The following FAM174A variants were observed in gnomAD, a reference collection of about 807,000 sequenced individuals.
The protein encoded by FAM174A is family with sequence similarity 174 member A.
In FAM174A, 14 loss-of-function variants were observed where a neutral mutation model predicts 14.3. The observed-to-expected ratio is 0.98, with a 90% CI of 0.65 to 1.53. The LOEUF (loss-of-function observed/expected upper bound fraction) is 1.53. Ranked by LOEUF, FAM174A falls within the 40% of genes most tolerant of loss-of-function variation. The pLI is 0.00. For synonymous variants in FAM174A, 108 were observed against 111.4 expected, an observed-to-expected ratio of 0.97 and a Z score of 0.19; for missense variants, 241 against 249.6, an observed-to-expected ratio of 0.97 and a Z score of 0.23.
At chr5:100,557,264 C>T (rs1046674678) in intron 1 of FAM174A, among the ~76,000 whole-genome samples, 3 of 151,944 alleles carry the variant, frequency 2.0e-5, no homozygotes, top group Non-Finnish European at 4.4e-5. Flanking sequence ...GTTGAACCAG[C>T]CTTGCATCGC....
chr5:100,566,926 T>C (rs537927438), intron 2 of FAM174A, among the ~76,000 whole-genome samples: 2 of 151,866 alleles, frequency 1.3e-5, no homozygotes, highest in East Asian at 1.9e-4. Context: ...GAGACCACGA[T>C]AAAGAGTAAG....
At chr5:100,557,820 TTCTC>T (rs1746426110) in intron 1 of FAM174A, among the ~76,000 whole-genome samples, 1 of 152,198 alleles carries the variant, frequency 6.6e-6, no homozygotes. Flanking sequence ...TGTTTGATTC[TTCTC>T]TCTTTTTTTC....
chr5:100,573,101 T>G (rs1746826697), intron 2 of FAM174A, among the ~76,000 whole-genome samples: 1 of 152,204 alleles, frequency 6.6e-6, no homozygotes, highest in Non-Finnish European at 1.5e-5. Context: ...ATGGGGTTAT[T>G]TGTTTTTTTC....
At chr5:100,546,190 G>T (rs1172366477) in intron 1 of FAM174A, among the ~76,000 whole-genome samples, 1 of 152,180 alleles carries the variant, frequency 6.6e-6, no homozygotes, top group Non-Finnish European at 1.5e-5. Context: ...CAGCAATTTA[G>T]CTGGCTTTAA....
intron 2 of FAM174A, among the ~76,000 whole-genome samples, chr5:100,577,680 G>C (rs1180563058): frequency 6.6e-6 from 1 of 151,988 alleles, no homozygotes; most frequent in East Asian, 1.9e-4. Context: ...AAAGTAAATA[G>C]AATATAAGAT....
Position 100,535,684 on chromosome 5 carries a change from A to G in FAM174A, c.154A>G (p.Thr52Ala). 2 of 1,609,444 alleles carry G rather than the reference A, an allele frequency of 1.2e-6. No homozygotes were observed. Among genetic ancestry groups the G allele is most frequent in the Non-Finnish European group, 1.7e-6 (2 of 1,178,814 alleles). The change falls in exon 1 of 3, where the codon ACA becomes GCA. Residue 52 changes from threonine to alanine, a missense_variant. Transcript: ENST00000312637. ...GLGPPDPRPR[T>A]LPPLPPGPTP... ...TGGGCCTCCTGACCCTAGACCACGG[A>G]CATTACCGCCGCTGCCACCGGGCCC...
At chr5:100,539,672 C>T (rs115343339) in intron 1 of FAM174A, among the ~76,000 whole-genome samples, 81 of 152,236 alleles carry the variant, frequency 5.3e-4, no homozygotes, top group African/African-American at 1.9e-3. Context: ...CTTGCCCAAG[C>T]GTGCACATAC....
At chr5:100,542,293 G>A (rs1746072552) in intron 1 of FAM174A, among the ~76,000 whole-genome samples, 1 of 152,150 alleles carries the variant, frequency 6.6e-6, no homozygotes, top group Admixed American at 6.5e-5. Context: ...GTTTAAGCTT[G>A]AAACAGTATT....
At chr5:100,583,324 A>G (rs1747056719) in intron 2 of FAM174A, among the ~76,000 whole-genome samples, 1 of 152,086 alleles carries the variant, frequency 6.6e-6, no homozygotes, top group South Asian at 2.1e-4. Flanking sequence ...TTGCCTTTTG[A>G]TTTCTCTAAA....
intron 1 of FAM174A, among the ~76,000 whole-genome samples, chr5:100,561,221 G>GT (rs1746515882): frequency 6.6e-6 from 1 of 151,962 alleles, no homozygotes; most frequent in South Asian, 2.1e-4. Flanking sequence ...AATAATGAAT[G>GT]TTAAGCACCC....
chr5:100,558,002 C>T (rs1346719110), intron 1 of FAM174A, among the ~76,000 whole-genome samples: 1 of 152,074 alleles, frequency 6.6e-6, no homozygotes, highest in East Asian at 1.9e-4. Context: ...TTTACTCTTG[C>T]TTCTCTAGTT....
chr5:100,578,202 C>A (rs185456842), intron 2 of FAM174A, among the ~76,000 whole-genome samples: 105 of 152,110 alleles, frequency 6.9e-4, no homozygotes, highest in Non-Finnish European at 1.2e-3. Flanking sequence ...CTAAACCCTC[C>A]AGAACTGAGA....
chr5:100,556,880 A>G (rs1410399902), intron 1 of FAM174A, among the ~76,000 whole-genome samples: 3 of 152,188 alleles, frequency 2.0e-5, no homozygotes, highest in East Asian at 1.9e-4. Context: ...CAATCATGTC[A>G]TCTGCAAACA....
At chr5:100,548,172 A>G (rs928260818) in intron 1 of FAM174A, among the ~76,000 whole-genome samples, 13 of 152,224 alleles carry the variant, frequency 8.5e-5, no homozygotes, top group African/African-American at 3.1e-4. Context: ...AAGGAAAATT[A>G]TATTTTCATG....
At chr5:100,576,161 T>C (rs1250671152) in intron 2 of FAM174A, among the ~76,000 whole-genome samples, 1 of 152,208 alleles carries the variant, frequency 6.6e-6, no homozygotes, top group Admixed American at 6.5e-5. Context: ...CATTAAGATG[T>C]AGAGTAATTA....
chr5:100,580,493 C>T (rs1413405524), intron 2 of FAM174A, among the ~76,000 whole-genome samples: 6 of 152,288 alleles, frequency 3.9e-5, no homozygotes, highest in Middle Eastern at 3.4e-3. Flanking sequence ...CGATATTCGA[C>T]GACAGGAAGC....
chr5:100,545,082 A>C (rs889598020), intron 1 of FAM174A, among the ~76,000 whole-genome samples: 9 of 152,164 alleles, frequency 5.9e-5, no homozygotes, highest in African/African-American at 2.2e-4. Context: ...AAAGTTCCTG[A>C]GTTCTTTTGT....
At chr5:100,558,362 G>A (rs555827148) in intron 1 of FAM174A, among the ~76,000 whole-genome samples, 2 of 152,248 alleles carry the variant, frequency 1.3e-5, no homozygotes, top group South Asian at 4.1e-4. Flanking sequence ...TTCCAACTAT[G>A]TGGTCAGTTT....
intron 1 of FAM174A, among the ~76,000 whole-genome samples, chr5:100,544,453 A>G (rs1746126934): frequency 6.6e-6 from 1 of 151,614 alleles, no homozygotes; most frequent in Non-Finnish European, 1.5e-5. Flanking sequence ...CAGAGAGAGA[A>G]GGAGAGGAGA....
Sources: gnomAD v4.1 joint callset for allele counts (sites outside exome capture counted in the v4.1 genomes callset) on GRCh38, gnomAD v4.1.1 for gene constraint, MANE v1.5 for transcripts, NCBI Gene and HGNC (gene_info 2026-07-23, HGNC 2026-07-21) for gene names.